ZNF880: variants seen among roughly 807,000 people sequenced by gnomAD.
ZNF880 encodes the protein zinc finger protein 880.
ZNF880 carries 12 observed loss-of-function variants against 11.8 expected under a neutral mutation model. The observed-to-expected ratio is 1.02, with a 90% CI of 0.65 to 1.65. The LOEUF (loss-of-function observed/expected upper bound fraction) is 1.65. Among genes scored for constraint, ZNF880 ranks in the 40% most tolerant of loss-of-function variants. ZNF880 has a pLI of 0.00. For synonymous variants in ZNF880, 210 were observed against 232.4 expected (o/e 0.90, Z 0.88); for missense variants, 601 against 673.9 (o/e 0.89, Z 1.20).
In ZNF880 at chr19:52,384,945, G is replaced by C; in HGVS notation, c.1365G>C (p.Gln455His). Residue 455 changes from glutamine to histidine, a missense_variant, in exon 4 of 4, where the codon CAG becomes CAC. By Grantham distance (24) the Gln-to-His change is conservative. This residue lies in a region of ZNF880 where 177 missense variants were observed against 214.5 expected (regional missense o/e 0.83). Transcript: ENST00000422689. ...ATAGATTATCCCTAAGCAATCATCA[G>C]AGATTTCATACTGGAGAGAAACCTT... ...FRHRLSLSNH[Q>H]RFHTGEKPYR... 6.3e-7 allele frequency: 1 copy of C among 1,582,470 alleles called. No individual in the cohort carries two copies. The highest frequency in any genetic ancestry group is 1.1e-5 in the South Asian group (1 of 87,228).
intron 1 of ZNF880, chr19:52,370,322 C>G (rs548165023): frequency 8.9e-6 from 3 of 336,240 alleles, no homozygotes; most frequent in Admixed American, 4.1e-5. Context: ...AAGCCTCGCC[C>G]TCTTTTCACA....
the ZNF880 span, chr19:52,397,131 G>A: frequency 7.4e-6 from 1 of 135,350 alleles, no homozygotes; most frequent in African/African-American, 2.8e-5. Context: ...CGTCGTTTAT[G>A]GCTATTTTTA....
At chr19:52,393,853 T>C in the ZNF880 span, among the ~76,000 whole-genome samples, 1 of 144,562 alleles carries the variant, frequency 6.9e-6, no homozygotes, top group Non-Finnish European at 1.5e-5. Context: ...TTTTTTTTTT[T>C]TGAGACGGAG....
chr19:52,387,896 TTC>T (rs1453549123), downstream of ZNF880, among the ~76,000 whole-genome samples: 6 of 108,052 alleles, frequency 5.6e-5, no homozygotes, highest in Admixed American at 3.9e-4. Context: ...TTCATAAATT[TTC>T]TTTTTTTTTT....
At chr19:52,368,772 CT>C (rs2122330384), upstream of ZNF880, among the ~76,000 whole-genome samples, 1 of 151,898 alleles carries the variant, frequency 6.6e-6, no homozygotes, top group African/African-American at 2.4e-5. Flanking sequence ...CTGTTTTGCT[CT>C]GGTGAAAACT....
At chr19:52,382,094 CG>C (rs1986722145) in intron 3 of ZNF880, among the ~76,000 whole-genome samples, 2 of 151,764 alleles carry the variant, frequency 1.3e-5, no homozygotes, top group Non-Finnish European at 2.9e-5. Flanking sequence ...GCTGACATGG[CG>C]AAACCCCGTC....
chr19:52,375,843 A>T (rs1986536911), intron 3 of ZNF880, among the ~76,000 whole-genome samples: 1 of 151,792 alleles, frequency 6.6e-6, no homozygotes. Context: ...GCTAATTTTT[A>T]AAAAATGTTC....
chr19:52,385,522 A>C lies in ZNF880; in HGVS notation c.*208A>C, dbSNP rs1986858280. On this transcript the variant is annotated 3_prime_UTR_variant, in exon 4 of 4. Transcript: ENST00000422689. ...GAGGCCTGCCAAATGACTAGATATCAAAACATACATCTTGGATGAAACCAT... is the reference window on the plus strand; with the variant it reads ...GAGGCCTGCCAAATGACTAGATATCCAAACATACATCTTGGATGAAACCAT... 6.8e-6 allele frequency: 4 copies of C among 586,406 alleles called. No homozygotes were observed. The Admixed American group carries it at 1.3e-4, about 19-fold the overall frequency. The allele number at this position is 586,406 out of a possible 1,614,324, so 36.3% of individuals were successfully genotyped here.
chr19:52,374,324 T>TGG lies in ZNF880; in HGVS notation c.165_166insGG (p.Ile56GlyfsTer18). On this transcript the variant is annotated frameshift_variant, in exon 3 of 4. Transcript: ENST00000422689. LOFTEE classifies it high-confidence loss of function. ...GAATCTGTCTTCCTGACCTGAGTGTTATCTCCATGTTGGAGCAAAGGAGAG... is the reference window on the plus strand; with the variant it reads ...GAATCTGTCTTCCTGACCTGAGTGTTGGATCTCCATGTTGGAGCAAAGGAGAG... The TGG allele has an allele frequency of 4.3e-6, 7 of 1,613,756 alleles. No homozygotes were observed. The South Asian group carries it at 7.7e-5, about 18-fold the overall frequency.
Position 52,384,133 on chromosome 19 carries a change from G to C in ZNF880, c.553G>C (p.Glu185Gln), listed in dbSNP as rs1986782297. ...QKAQIREKPC[E>Q]CNEHGKAFRV... The stretch of plus-strand genomic sequence containing the variant: ...AGCACAAATAAGGGAAAAACCGTGT[G>C]AATGTAATGAGCATGGCAAAGCCTT... Residue 185 changes from glutamate to glutamine, a missense_variant, in exon 4 of 4, where the codon GAA becomes CAA. Physicochemically the swap from Glu to Gln is conservative, Grantham distance 29 (BLOSUM62 2). Coordinates refer to ENST00000422689, the MANE Select transcript of ZNF880 (RefSeq NM_001145434.2). 1 of 1,603,718 alleles carries C rather than the reference G, an allele frequency of 6.2e-7. No individual in the cohort carries two copies. The highest frequency in any genetic ancestry group is 1.1e-5 in the South Asian group (1 of 90,082).
Position 52,385,585 on chromosome 19 carries a change from A to C in ZNF880, c.*271A>C, listed in dbSNP as rs764407636. ...TGTATGCTGAGGCTATTATTCAAGG[A>C]CCATTACTATGGAACATGATAAGAT... is the stretch of plus-strand genomic sequence containing the variant. On this transcript the variant is annotated 3_prime_UTR_variant, in exon 4 of 4. Transcript: ENST00000422689. 1.3e-5 allele frequency: 5 copies of C among 387,384 alleles called. No homozygotes were observed. Among genetic ancestry groups the C allele is most frequent in the Admixed American group, 1.2e-4 (3 of 24,178 alleles). The allele number at this position is 387,384 out of a possible 1,614,324, so 24.0% of individuals were successfully genotyped here.
In ZNF880 at chr19:52,383,835, T is replaced by C. The variant is rs1986770358; in HGVS notation, c.269-14T>C. 1.3e-6 allele frequency: 2 copies of C among 1,510,246 alleles called. No individual in the cohort carries two copies. Among genetic ancestry groups the C allele is most frequent in the East Asian group, 2.4e-5 (1 of 41,624 alleles). The allele number at this position is 1,510,246 out of a possible 1,614,324, so 93.6% of individuals were successfully genotyped here. A position where few individuals can be genotyped will look rare whatever the true frequency, so the allele number is the denominator to read the frequency against. On this transcript the variant is annotated splice_polypyrimidine_tract_variant and intron_variant, in intron 3 of 3. Coordinates refer to ENST00000422689, the MANE Select transcript of ZNF880 (RefSeq NM_001145434.2). ...GTCATGGGTTGAAGTTCCACTTTTT[T>C]CTTTCTTTTTTAGAGAGCAGCTCTA...
chr19:52,393,906 A>G, the ZNF880 span, among the ~76,000 whole-genome samples: 22,117 of 135,284 alleles, frequency 0.16, 1,727 homozygotes, highest in Non-Finnish European at 0.18. Context: ...GCGCGATCTC[A>G]GCTCACTGCA....
At chr19:52,372,770 C>T (rs1465429734) in intron 1 of ZNF880, among the ~76,000 whole-genome samples, 16 of 149,132 alleles carry the variant, frequency 1.1e-4, no homozygotes, top group Non-Finnish European at 2.1e-4. Flanking sequence ...ATTAGCTGGG[C>T]GTGGTGGCGG....
Position 52,385,131 on chromosome 19 carries a change from G to A in ZNF880, c.1551G>A (p.Glu517=). Residue 517 remains glutamate (E), a synonymous_variant, in exon 4 of 4, where the codon GAG becomes GAA. Transcript: ENST00000422689. ...GACATAGGCAAATTCATACTGGAGA[G>A]AAGTCTTACAAATGCAATGAATGTG... ...LARHRQIHTG[E]KSYKCNECGK... is the part of the protein sequence containing the mutation. 1 of 1,557,524 alleles carries A rather than the reference G, an allele frequency of 6.4e-7. No individual in the cohort carries two copies. The highest frequency in any genetic ancestry group is 1.2e-5 in the South Asian group (1 of 84,522).
upstream of ZNF880, among the ~76,000 whole-genome samples, chr19:52,369,177 A>G (rs1986263456): frequency 6.6e-6 from 1 of 151,788 alleles, no homozygotes; most frequent in Non-Finnish European, 1.5e-5. Context: ...CCTGGCCAAC[A>G]TGGAGAAACC....
intron 3 of ZNF880, among the ~76,000 whole-genome samples, chr19:52,377,644 G>A (rs1007257055): frequency 3.3e-5 from 5 of 152,094 alleles, no homozygotes; most frequent in African/African-American, 1.2e-4. Flanking sequence ...CTTTGCTAGG[G>A]TGGCCCACAG....
At chr19:52,368,595 A>G (rs1401439285), upstream of ZNF880, among the ~76,000 whole-genome samples, 3 of 149,188 alleles carry the variant, frequency 2.0e-5, no homozygotes. Context: ...TTGGGGTGTC[A>G]TGATTGCTAA....
rs1390723930 is a variant in ZNF880, at chr19:52,372,694, G to C, written c.13-417G>C. On this transcript the variant is annotated intron_variant, in intron 1 of 3. Transcript: ENST00000422689. The stretch of plus-strand genomic sequence containing the variant: ...AGGTGGGCGGATCACGAAGTCAGGA[G>C]ATCGAGACCATCCTGTGTAACATGG... Among the ~76,000 whole-genome samples, 3 of 149,396 alleles carry C rather than the reference G, an allele frequency of 2.0e-5. No individual in the cohort carries two copies. In the East Asian group the frequency reaches 6.1e-4, roughly 31 times the overall value.
Sources: gnomAD v4.1 joint callset for allele counts (sites outside exome capture counted in the v4.1 genomes callset) on GRCh38, gnomAD v4.1.1 for gene constraint, gnomAD v4.1.1 regional missense constraint, MANE v1.5 for transcripts, NCBI Gene and HGNC (gene_info 2026-07-23, HGNC 2026-07-21) for gene names.